CPAMD8: variants seen among roughly 807,000 people sequenced by gnomAD.
CPAMD8 encodes the protein C3 and PZP like alpha-2-macroglobulin domain containing 8.
Under a neutral mutation model 224.7 loss-of-function variants are expected in CPAMD8, and 146 were observed. The ratio of observed to expected loss-of-function variants is 0.65; its 90% CI spans 0.57 to 0.75. The LOEUF (loss-of-function observed/expected upper bound fraction) is 0.75, where lower values mean the gene tolerates loss of function less well. CPAMD8 is among the 30% of genes least tolerant of loss of function. CPAMD8 has a pLI of 0.00. For synonymous variants in CPAMD8, 966 were observed against 1,044.6 expected, an observed-to-expected ratio of 0.92 and a Z score of 1.45; for missense variants, 2,301 against 2,537.5, an observed-to-expected ratio of 0.91 and a Z score of 2.00.
chr19:17,008,661 AC>A (rs2056560619), intron 6 of CPAMD8, 102 bp from the exon 7 acceptor site: 1 of 1,281,630 alleles, frequency 7.8e-7, no homozygotes, highest in Admixed American at 1.7e-5. Context: ...GGGCATGTCA[AC>A]CATGCAGCGA....
In CPAMD8 at chr19:16,993,429, T is replaced by C. The variant is rs151335087; in HGVS notation, c.1253A>G (p.His418Arg). The change falls in exon 12 of 42, where the codon CAC (histidine) becomes CGC (arginine). Residue 418 changes from histidine (H) to arginine (R), a missense_variant. Transcript: ENST00000443236. ...EIPSIPTSAQHVWLETKVMAL... is the reference protein window; with the variant it reads ...EIPSIPTSAQRVWLETKVMAL... Reference sequence around the variant, plus strand: ...GGACTCACCCACCTCCAGCCACACGTGCTGGGCTGACGTGGGGATGGAGGG... The same window carrying C: ...GGACTCACCCACCTCCAGCCACACGCGCTGGGCTGACGTGGGGATGGAGGG... The C allele has an allele frequency of 0.013, 20,900 of 1,613,144 alleles. 164 individuals carry two copies. The highest frequency in any genetic ancestry group is 0.024 in the Middle Eastern group (140 of 5,924).
intron 3 of CPAMD8, among the ~76,000 whole-genome samples, chr19:17,013,000 T>C (rs2056703075): frequency 6.6e-6 from 1 of 150,990 alleles, no homozygotes; most frequent in South Asian, 2.1e-4. Flanking sequence ...CTGGCCAACA[T>C]GGCAAAACCC....
chr19:17,006,108 A>G (rs8102384), intron 7 of CPAMD8, among the ~76,000 whole-genome samples: 122,816 of 151,932 alleles, frequency 0.81, 50,178 homozygotes, highest in African/African-American at 0.93. Context: ...GACTTTAGGC[A>G]CCCGCCACCA....
intron 24 of CPAMD8, 143 bp from the exon 25 acceptor site, chr19:16,928,377 G>A (rs947251937): frequency 6.0e-5 from 38 of 637,930 alleles, no homozygotes; most frequent in Non-Finnish European, 1.0e-4. Flanking sequence ...GGAGTCAGAG[G>A]TGAGAGAAAT....
chr19:16,916,300 C>T (rs1390065616), intron 27 of CPAMD8, among the ~76,000 whole-genome samples: 1 of 151,938 alleles, frequency 6.6e-6, no homozygotes, highest in African/African-American at 2.4e-5. Flanking sequence ...AGGCATAAGC[C>T]ACCATGCTCA....
At chr19:17,000,546 C>T (rs770860443) in intron 9 of CPAMD8, 24 bp from the exon 10 acceptor site, 2 of 1,018,426 alleles carry the variant, frequency 2.0e-6, no homozygotes, top group Non-Finnish European at 3.1e-6. Context: ...ATAAAGCATG[C>T]TCAATTTCAC....
intron 27 of CPAMD8, among the ~76,000 whole-genome samples, chr19:16,920,396 C>T (rs534445581): frequency 6.6e-6 from 1 of 152,274 alleles, no homozygotes; most frequent in African/African-American, 2.4e-5. Context: ...AGGAGAATGG[C>T]GTGAACCCAG....
chr19:16,906,366 CTTTCTTTCTT>C (rs1300291048), intron 30 of CPAMD8, among the ~76,000 whole-genome samples: 6 of 68,970 alleles, frequency 8.7e-5, no homozygotes, highest in Non-Finnish European at 1.2e-4. Flanking sequence ...TTCTTTCTTT[CTTTCTTTCTT>C]TCTTTCTTTC....
chr19:16,938,508 G>A (rs900661161), intron 22 of CPAMD8, 62 bp from the exon 23 acceptor site: 58 of 896,428 alleles, frequency 6.5e-5, no homozygotes, highest in African/African-American at 1.4e-4. Flanking sequence ...TCAGCTCAGC[G>A]GAGCAGCTGG....
intron 7 of CPAMD8, among the ~76,000 whole-genome samples, chr19:17,006,854 T>A (rs1252710642): frequency 6.6e-6 from 1 of 152,190 alleles, no homozygotes; most frequent in Non-Finnish European, 1.5e-5. Context: ...AACTTCTCCT[T>A]CCTAGCACTC....
rs1420564052 is a variant in CPAMD8 at position 16,973,192 on chromosome 19, T to TTTTG, written c.2070+1901_2070+1904dup. On this transcript the variant is annotated intron_variant, in intron 17 of 41. Transcript: ENST00000443236. Reference sequence around the variant, plus strand: ...TCAAAAAAAGAAAAATAAGAGATTTTTTTGTTTGTTTGTTTTGTTTTTAGC... The same window carrying TTTTG: ...TCAAAAAAAGAAAAATAAGAGATTTTTTTGTTTGTTTGTTTGTTTTGTTTTTAGC... Among the ~76,000 whole-genome samples, 3 of 152,032 alleles carry TTTTG rather than the reference T, an allele frequency of 2.0e-5. No individual in the cohort carries two copies. In the South Asian group the frequency reaches 6.2e-4, roughly 32 times the overall value.
chr19:16,984,978 A>G (rs537065459), intron 13 of CPAMD8, among the ~76,000 whole-genome samples: 38 of 152,340 alleles, frequency 2.5e-4, no homozygotes, highest in African/African-American at 6.5e-4. Flanking sequence ...TGTAAATTAC[A>G]TTTTTAGGGT....
chr19:16,991,670 TA>T (rs1326177739), intron 12 of CPAMD8, among the ~76,000 whole-genome samples: 1 of 151,764 alleles, frequency 6.6e-6, no homozygotes, highest in Non-Finnish European at 1.5e-5. Flanking sequence ...GCTTGACCAA[TA>T]TAGTGAAACC....
At chr19:16,987,956 G>T (rs535066133) in intron 13 of CPAMD8, among the ~76,000 whole-genome samples, 2 of 152,216 alleles carry the variant, frequency 1.3e-5, no homozygotes, top group East Asian at 3.9e-4. Context: ...GAGCCACCAC[G>T]CCCGGTCGGG....
Position 16,980,484 on chromosome 19 carries a change from C to A in CPAMD8, c.1585+13G>T, listed in dbSNP as rs777776330. 7 of 1,610,158 alleles carry A rather than the reference C, an allele frequency of 4.3e-6. No individual in the cohort carries two copies. The South Asian group carries it at 5.5e-5, about 13-fold the overall frequency. On this transcript the variant is annotated intron_variant, in intron 14 of 41. Transcript: ENST00000443236. ...AGGAAGAACAGGAACCTTCTCCCTG[C>A]TGCCCGGCTCACCTGTCTCAGAAAG...
intron 20 of CPAMD8, among the ~76,000 whole-genome samples, chr19:16,948,194 G>A (rs1468171422): frequency 6.6e-6 from 1 of 152,196 alleles, no homozygotes; most frequent in African/African-American, 2.4e-5. Context: ...CCTACTGGGT[G>A]CCCCGCTAGG....
chr19:16,942,054 G>A (rs189142449), intron 22 of CPAMD8, among the ~76,000 whole-genome samples: 20 of 152,098 alleles, frequency 1.3e-4, no homozygotes, highest in Admixed American at 3.3e-4. Context: ...TGTAAGACAC[G>A]CCTGCTTCTC....
At chr19:17,019,118 A>ATGTTT (rs897724605) in intron 3 of CPAMD8, among the ~76,000 whole-genome samples, 11 of 151,956 alleles carry the variant, frequency 7.2e-5, no homozygotes, top group South Asian at 2.1e-4. Context: ...TTCTTTTGTT[A>ATGTTT]TGTTTTGTTT....
intron 20 of CPAMD8, among the ~76,000 whole-genome samples, chr19:16,947,477 C>A (rs199962181): frequency 1.2e-4 from 19 of 152,192 alleles, no homozygotes; most frequent in Non-Finnish European, 2.2e-4. Context: ...CACAGCCCTC[C>A]GTATCCTCAC....
Sources: gnomAD v4.1 joint callset for allele counts (sites outside exome capture counted in the v4.1 genomes callset) on GRCh38, gnomAD v4.1.1 for gene constraint, MANE v1.5 for transcripts, NCBI Gene and HGNC (gene_info 2026-07-23, HGNC 2026-07-21) for gene names.